ITGB4: variants seen among roughly 807,000 people sequenced by gnomAD.
ITGB4 encodes integrin beta-4.
A neutral mutation model predicts 207.6 loss-of-function variants in ITGB4; 159 were observed. The ratio of observed to expected loss-of-function variants is 0.77; its 90% CI spans 0.67 to 0.87. The LOEUF (loss-of-function observed/expected upper bound fraction) is 0.87. Ranked by LOEUF, ITGB4 falls within the 40% of genes least tolerant of loss-of-function variation. The pLI is 0.00. For synonymous variants in ITGB4, 1,020 were observed against 1,062.7 expected, an observed-to-expected ratio of 0.96 and a Z score of 0.78; for missense variants, 2,278 against 2,546.8, an observed-to-expected ratio of 0.89 and a Z score of 2.27.
chr17:75,737,289 C>A, intron 16 of ITGB4, 33 bp from the exon 17 acceptor site: 1 of 1,578,408 alleles, frequency 6.3e-7, no homozygotes, highest in Non-Finnish European at 8.6e-7. Context: ...AGGGGTGTGG[C>A]TGGGGTGCCC....
rs1478778120 is a variant in ITGB4, at chr17:75,724,566, G to A, written c.-10-128G>A. ...CGAGGCCCAGGGCCCTGCCTCTGGC[G>A]GCTGGGCGCCCTTGGTCACATTGTT... is the stretch of plus-strand genomic sequence containing the variant. On this transcript the variant is annotated intron_variant, in intron 1 of 39. Transcript: ENST00000200181. 2.7e-5 allele frequency: 21 copies of A among 784,736 alleles called. No homozygotes were observed. In the Middle Eastern group the frequency reaches 9.0e-4, roughly 34 times the overall value. 48.6% of individuals were successfully genotyped at this position (784,736 alleles called of 1,614,324 possible). A position where few individuals can be genotyped will look rare whatever the true frequency, so the allele number is the denominator to read the frequency against.
chr17:75,743,569 C>A, intron 25 of ITGB4, 144 bp from the exon 26 acceptor site: 3 of 1,109,954 alleles, frequency 2.7e-6, no homozygotes, highest in Non-Finnish European at 1.4e-6. Flanking sequence ...CGTTTCGCTC[C>A]TGTGCCCTTC....
In ITGB4 at chr17:75,740,981, G is replaced by T. The variant is rs1481896385; in HGVS notation, c.2610-1G>T. 3 of 1,613,836 alleles carry T rather than the reference G, an allele frequency of 1.9e-6. No individual in the cohort carries two copies. Among genetic ancestry groups the T allele is most frequent in the Non-Finnish European group, 2.5e-6 (3 of 1,180,032 alleles). On this transcript the variant is annotated splice_acceptor_variant, in intron 22 of 39. Coordinates refer to ENST00000200181, the MANE Select transcript of ITGB4 (RefSeq NM_000213.5). LOFTEE classifies it high-confidence loss of function. The surrounding 1 kb of genome is among the most constrained non-coding windows in gnomAD (Gnocchi z 5.9). ...TCACAGCGCCCTCTTTGTCCCCACA[G>T]GCAGCAGCCCAATGCCGGGAAAAAG...
chr17:75,737,686 TCCCCACCCCAACAGGGC>T (rs756186162), intron 18 of ITGB4, 42 bp downstream of exon 18: 304 of 1,537,482 alleles, frequency 2.0e-4, no homozygotes, highest in Non-Finnish European at 2.6e-4. Flanking sequence ...CATCCCAGGG[TCCCCACCCCAACAGGGC>T]CCCCACCCTC....
chr17:75,728,571 G>A, intron 6 of ITGB4, 98 bp downstream of exon 6: 1 of 979,948 alleles, frequency 1.0e-6, no homozygotes, highest in South Asian at 1.4e-5. Context: ...TTCTACGGCT[G>A]GGCACGGTGG....
chr17:75,731,272 G>A lies in ITGB4; in HGVS notation c.1119G>A (p.Arg373=). 6.2e-7 allele frequency: 1 copy of A among 1,613,510 alleles called. No homozygotes were observed. Among genetic ancestry groups the A allele is most frequent in the Non-Finnish European group, 8.5e-7 (1 of 1,180,016 alleles). The change falls in exon 10 of 40, where the codon CGG becomes CGA. Residue 373 remains arginine, a synonymous_variant. Coordinates refer to ENST00000200181, the MANE Select transcript of ITGB4 (RefSeq NM_000213.5). The surrounding 1 kb of genome is among the most constrained non-coding windows in gnomAD (Gnocchi z 6.8). The part of the protein sequence containing the change: ...FNRIRSNLDI[R]ALDSPRGLRT... Reference sequence around the variant, plus strand: ...GGATCCGCTCCAACCTGGACATCCGGGCCCTAGACAGCCCCCGAGGCCTTC... The same window carrying A: ...GGATCCGCTCCAACCTGGACATCCGAGCCCTAGACAGCCCCCGAGGCCTTC...
At position 75,739,533 on chromosome 17, in the gene ITGB4, G is replaced by T; in HGVS notation, c.2221-139G>T. ...CCCTTGTGTGCCATGCTTACACCCT[G>T]CTACCACCTGGATATTCTGGTGTCT... On this transcript the variant is annotated intron_variant, in intron 18 of 39. Transcript: ENST00000200181. The surrounding 1 kb of genome is among the most constrained non-coding windows in gnomAD (Gnocchi z 5.4). The T allele has an allele frequency of 1.0e-6, 1 of 964,310 alleles. No individual in the cohort carries two copies. The allele number at this position is 964,310 out of a possible 1,614,324, so 59.7% of individuals were successfully genotyped here.
rs371860241 is a variant in ITGB4 at position 75,757,593 on chromosome 17, G to A, written c.*38G>A. 1.6e-4 allele frequency: 253 copies of A among 1,612,080 alleles called. No individual in the cohort carries two copies. The highest frequency in any genetic ancestry group is 1.0e-3 in the South Asian group (91 of 91,044). On this transcript the variant is annotated 3_prime_UTR_variant, in exon 40 of 40. Transcript: ENST00000200181. The stretch of plus-strand genomic sequence containing the variant: ...CCACCCCCGCCACGTCCCACTAGGC[G>A]TCCTCCCGACTCCTCTCCCGGAGCC...
In ITGB4 at chr17:75,731,357, C is replaced by A; in HGVS notation, c.1204C>A (p.Arg402=). Residue 402 remains arginine, a synonymous_variant, in exon 10 of 40, where the codon CGG becomes AGG. Coordinates refer to ENST00000200181, the MANE Select transcript of ITGB4 (RefSeq NM_000213.5). This position sits in a 1 kb window ranked among gnomAD's most constrained non-coding sequence, Gnocchi z 6.8. ...KTRTGSFHIR[R]GEVGIYQVQL... is the part of the protein sequence containing the mutation. Reference sequence around the variant, plus strand: ...GAGGACTGGGTCCTTTCACATCCGGCGGGGGGAAGTGGTACGCCTCTGTGG... The same window carrying A: ...GAGGACTGGGTCCTTTCACATCCGGAGGGGGGAAGTGGTACGCCTCTGTGG... 3.1e-6 allele frequency: 5 copies of A among 1,608,668 alleles called. No individual in the cohort carries two copies. Among genetic ancestry groups the A allele is most frequent in the Non-Finnish European group, 4.2e-6 (5 of 1,176,752 alleles).
In ITGB4 at chr17:75,729,158, CAA is replaced by C. The variant is rs56375128; in HGVS notation, c.567-91_567-90del. The stretch of plus-strand genomic sequence containing the variant: ...TGGGTGATAAAGCGAGACTTGGTCT[CAA>C]AAAAAAAAAAAAAAATTCTCCTTCT... On this transcript the variant is annotated intron_variant, in intron 6 of 39. Coordinates refer to ENST00000200181, the MANE Select transcript of ITGB4 (RefSeq NM_000213.5). This position sits in a 1 kb window ranked among gnomAD's most constrained non-coding sequence, Gnocchi z 4.4. The C allele has an allele frequency of 0.032, 24,701 of 780,180 alleles. No homozygotes were observed. The highest frequency in any genetic ancestry group is 0.074 in the East Asian group (2,355 of 31,614). The allele number at this position is 780,180 out of a possible 1,614,324, so 48.3% of individuals were successfully genotyped here. A position where few individuals can be genotyped will look rare whatever the true frequency, so the allele number is the denominator to read the frequency against.
chr17:75,755,919 G>T, intron 35 of ITGB4, 69 bp downstream of exon 35: 1 of 1,548,890 alleles, frequency 6.5e-7, no homozygotes, highest in Non-Finnish European at 8.7e-7. Flanking sequence ...TGACACATAG[G>T]GTACCTCAGC....
chr17:75,735,083 G>T (rs146147855), intron 13 of ITGB4, among the ~76,000 whole-genome samples: 5 of 151,392 alleles, frequency 3.3e-5, no homozygotes, highest in African/African-American at 9.8e-5. Context: ...CAATTTTATT[G>T]ATTGATTGAT....
intron 6 of ITGB4, among the ~76,000 whole-genome samples, chr17:75,728,986 C>CAAAAAA (rs933959785): frequency 4.4e-5 from 2 of 45,212 alleles, no homozygotes; most frequent in Admixed American, 5.2e-4. Context: ...TCTGTCTCAA[C>CAAAAAA]AAAAAAAAAA....
intron 18 of ITGB4, among the ~76,000 whole-genome samples, chr17:75,738,732 G>A (rs2061039225): frequency 2.0e-5 from 3 of 152,230 alleles, no homozygotes; most frequent in Non-Finnish European, 4.4e-5. Context: ...CTCAGAGTAG[G>A]GATTGTAGGC....
At chr17:75,743,959 T>A (rs887710517) in intron 26 of ITGB4, 98 bp downstream of exon 26, 3 of 1,342,438 alleles carry the variant, frequency 2.2e-6, no homozygotes, top group Admixed American at 4.1e-5. Context: ...GCTGCTTGAG[T>A]CCCTGGATAC....
chr17:75,733,676 CG>C lies in ITGB4; in HGVS notation c.1644del (p.Phe549SerfsTer220). On this transcript the variant is annotated frameshift_variant, in exon 13 of 40. Transcript: ENST00000200181. LOFTEE classifies it high-confidence loss of function. ...YDNFQCPRTSGFLCNDRGRCS... is the reference protein window; with the variant it reads ...YDNFQCPRTSXFLCNDRGRCS... The stretch of plus-strand genomic sequence containing the variant: ...ACAACTTCCAGTGTCCCCGCACTTC[CG>C]GGTTCCTCTGCAATGGTGAGCACAA... 2.5e-6 allele frequency: 4 copies of C among 1,614,068 alleles called. No individual in the cohort carries two copies. Among genetic ancestry groups the C allele is most frequent in the Non-Finnish European group, 3.4e-6 (4 of 1,180,022 alleles).
In ITGB4 at chr17:75,729,283, C is replaced by G. The variant is rs758627090; in HGVS notation, c.585C>G (p.Pro195=). The change falls in exon 7 of 40, where the codon CCC becomes CCG. Residue 195 remains proline (P), a synonymous_variant. Transcript: ENST00000200181. This position sits in a 1 kb window ranked among gnomAD's most constrained non-coding sequence, Gnocchi z 4.4. ...TGCCCAGGCTGAAGGAGCCCTGGCC[C>G]AACAGTGACCCCCCCTTCTCCTTCA... is the stretch of plus-strand genomic sequence containing the variant. ...MRPEKLKEPW[P]NSDPPFSFKN... is the part of the protein sequence containing the mutation. The G allele has an allele frequency of 5.6e-6, 9 of 1,613,960 alleles. No homozygotes were observed. In the African/African-American group the frequency reaches 1.1e-4, roughly 19 times the overall value.
chr17:75,750,170 G>C lies in ITGB4; in HGVS notation c.3376G>C (p.Asp1126His), dbSNP rs199672740. The part of the protein sequence containing the change: ...MLSSQPPPHG[D>H]LGAPQNPNAK... ...GTCATCACAGCCACCCCCTCACGGC[G>C]ACCTGGGCGCCCCGCAGAACCCCAA... The change falls in exon 28 of 40, where the codon GAC (aspartate) becomes CAC (histidine). Residue 1126 changes from aspartate (D) to histidine (H), a missense_variant. Asp to His is a moderately conservative substitution (Grantham distance 81, BLOSUM62 -1). Transcript: ENST00000200181. The surrounding 1 kb of genome is among the most constrained non-coding windows in gnomAD (Gnocchi z 5.5). 6 of 1,613,854 alleles carry C rather than the reference G, an allele frequency of 3.7e-6. No homozygotes were observed. The African/African-American group carries it at 8.0e-5, about 22-fold the overall frequency.
Position 75,737,607 on chromosome 17 carries a change from T to C in ITGB4, c.2183T>C (p.Leu728Pro). 2 of 1,613,270 alleles carry C rather than the reference T, an allele frequency of 1.2e-6. No individual in the cohort carries two copies. The highest frequency in any genetic ancestry group is 1.7e-6 in the Non-Finnish European group (2 of 1,179,696). ...CTCCTCCTGCCGCTCCTGGCCCTGCTACTGCTGCTATGCTGGAAGTACTGT... is the reference window on the plus strand; with the variant it reads ...CTCCTCCTGCCGCTCCTGGCCCTGCCACTGCTGCTATGCTGGAAGTACTGT... ...LLLLLPLLAL[L>P]LLLCWKYCAC... is the part of the protein sequence containing the mutation. Residue 728 changes from leucine to proline, a missense_variant, in exon 18 of 40, where the codon CTA becomes CCA. Transcript: ENST00000200181.
Sources: gnomAD v4.1 joint callset for allele counts (sites outside exome capture counted in the v4.1 genomes callset) on GRCh38, gnomAD v4.1.1 for gene constraint, Gnocchi (gnomAD v3.1) non-coding constraint, MANE v1.5 for transcripts, NCBI Gene and HGNC (gene_info 2026-07-23, HGNC 2026-07-21) for gene names.